Variants in EYS observed in about 807,000 individuals in gnomAD.
The protein encoded by EYS is EGF-like photoreceptor maintenance factor.
A neutral mutation model predicts 282.1 loss-of-function variants in EYS; 250 were observed. The observed-to-expected ratio is 0.89, with a 90% CI of 0.80 to 0.98. The LOEUF is 0.98. Among genes scored for constraint, EYS ranks in the 50% least tolerant of loss-of-function variants. The pLI, the probability that EYS is intolerant of heterozygous loss-of-function variation, is 0.00. For missense variants in EYS, 4,016 were observed against 3,709.0 expected (o/e 1.08, Z -2.15); for synonymous variants, 1,355 against 1,282.9 (o/e 1.06, Z -1.20).
In EYS at chr6:64,637,553, C is replaced by T. The variant is rs1460141813; in HGVS notation, c.3444-11308G>A. Among the ~76,000 whole-genome samples the T allele has an allele frequency of 2.3e-5, 2 of 88,510 alleles. 1 individual carries two copies. Among genetic ancestry groups the T allele is most frequent in the Non-Finnish European group, 4.8e-5 (2 of 41,470 alleles). The allele number at this position is 88,510 out of a possible 152,430, so 58.1% of individuals were successfully genotyped here. On this transcript the variant is annotated intron_variant, in intron 22 of 42. Coordinates refer to ENST00000503581, the MANE Select transcript of EYS (RefSeq NM_001142800.2). Reference sequence around the variant, plus strand: ...GCACATGTATACATATGTAACTAACCTGCACATTGTGCACATGAACCCTAA... The same window carrying T: ...GCACATGTATACATATGTAACTAACTTGCACATTGTGCACATGAACCCTAA...
chr6:64,339,695 C>G (rs1771019416), intron 29 of EYS, among the ~76,000 whole-genome samples: 2 of 151,672 alleles, frequency 1.3e-5, no homozygotes, highest in Admixed American at 1.3e-4. Context: ...TTTACTGCAG[C>G]ACAATTGGAT....
chr6:63,879,173 T>G (rs1773062077), intron 35 of EYS, among the ~76,000 whole-genome samples: 1 of 152,152 alleles, frequency 6.6e-6, no homozygotes. Flanking sequence ...TTGGTGCCAT[T>G]CTTGAAACTG....
At chr6:64,697,455 C>G (rs933087034) in intron 22 of EYS, among the ~76,000 whole-genome samples, 19 of 152,108 alleles carry the variant, frequency 1.2e-4, no homozygotes, top group Admixed American at 1.2e-3. Flanking sequence ...TTCAATACCC[C>G]ACTCATAGCA....
intron 31 of EYS, among the ~76,000 whole-genome samples, chr6:64,094,068 C>T (rs190218642): frequency 2.7e-4 from 41 of 152,154 alleles, no homozygotes; most frequent in African/African-American, 9.2e-4. Flanking sequence ...TATTGATTTG[C>T]GTATGTGGAA....
chr6:63,939,739 G>A (rs1007910281), intron 35 of EYS, among the ~76,000 whole-genome samples: 3 of 151,846 alleles, frequency 2.0e-5, no homozygotes, highest in African/African-American at 7.2e-5. Context: ...TGTCATAAAT[G>A]CATAATACAT....
intron 35 of EYS, among the ~76,000 whole-genome samples, chr6:63,880,461 C>T (rs868244319): frequency 2.0e-4 from 27 of 137,594 alleles, no homozygotes; most frequent in African/African-American, 7.6e-4. Flanking sequence ...ATATCTCTGT[C>T]TATCTGTCTG....
At chr6:64,479,124 C>T (rs755910983) in intron 26 of EYS, among the ~76,000 whole-genome samples, 5 of 151,798 alleles carry the variant, frequency 3.3e-5, no homozygotes, top group Non-Finnish European at 4.4e-5. Context: ...CTTTAGGTAA[C>T]GTGGTATAGT....
intron 26 of EYS, among the ~76,000 whole-genome samples, chr6:64,569,672 C>T (rs964343356): frequency 7.9e-5 from 12 of 151,786 alleles, no homozygotes; most frequent in African/African-American, 2.2e-4. Context: ...ACCCGGGAGG[C>T]GGAGCTTGCA....
chr6:64,138,921 G>A (rs1413217319), intron 31 of EYS, among the ~76,000 whole-genome samples: 1 of 152,112 alleles, frequency 6.6e-6, no homozygotes, highest in Non-Finnish European at 1.5e-5. Flanking sequence ...GCATGGGAGA[G>A]TTATTTATAT....
intron 11 of EYS, among the ~76,000 whole-genome samples, chr6:65,324,903 C>A (rs186320874): frequency 5.9e-5 from 9 of 152,290 alleles, no homozygotes; most frequent in South Asian, 2.1e-4. Flanking sequence ...GATACTGTAT[C>A]TCTGGGATTA....
At chr6:64,331,126 A>C (rs1250275271) in intron 29 of EYS, among the ~76,000 whole-genome samples, 1 of 152,176 alleles carries the variant, frequency 6.6e-6, no homozygotes, top group African/African-American at 2.4e-5. Flanking sequence ...CAAAGAGCTG[A>C]GCTAATAGCT....
chr6:64,695,258 C>T (rs774471980), intron 22 of EYS, among the ~76,000 whole-genome samples: 2 of 152,084 alleles, frequency 1.3e-5, no homozygotes, highest in Non-Finnish European at 2.9e-5. Flanking sequence ...GCCCTATTGC[C>T]ACCAATGCAG....
At chr6:65,446,173 T>C (rs1341406245) in intron 5 of EYS, among the ~76,000 whole-genome samples, 2 of 151,724 alleles carry the variant, frequency 1.3e-5, no homozygotes, top group African/African-American at 4.8e-5. Context: ...GTCCAAAGGG[T>C]GTTAAGACAC....
intron 8 of EYS, among the ~76,000 whole-genome samples, chr6:65,361,954 T>C (rs1764726198): frequency 6.6e-6 from 1 of 152,166 alleles, no homozygotes; most frequent in Admixed American, 6.6e-5. Flanking sequence ...ATGTACACTA[T>C]TCTAAAACAC....
At chr6:64,180,100 T>C (rs1042605672) in intron 31 of EYS, among the ~76,000 whole-genome samples, 2 of 152,174 alleles carry the variant, frequency 1.3e-5, no homozygotes, top group African/African-American at 4.8e-5. Flanking sequence ...AAGGTTTTTC[T>C]ATTAATAACA....
intron 33 of EYS, among the ~76,000 whole-genome samples, chr6:64,047,552 G>A (rs1582197338): frequency 6.6e-6 from 1 of 152,330 alleles, no homozygotes; most frequent in African/African-American, 2.4e-5. Context: ...TAAAATGTGA[G>A]TTGCAAAGTT....
chr6:64,275,964 CAA>C (rs1163549964), intron 30 of EYS, among the ~76,000 whole-genome samples: 8 of 118,846 alleles, frequency 6.7e-5, no homozygotes, highest in Non-Finnish European at 1.1e-4. Context: ...GACTCCATCT[CAA>C]AAAAAAAAAA....
At chr6:63,955,265 A>G (rs947618422) in intron 35 of EYS, among the ~76,000 whole-genome samples, 7 of 152,026 alleles carry the variant, frequency 4.6e-5, no homozygotes, top group African/African-American at 1.7e-4. Context: ...CACCATTCTC[A>G]ACTACTTGTA....
chr6:65,206,589 C>T (rs894204697), intron 12 of EYS, among the ~76,000 whole-genome samples: 6 of 151,664 alleles, frequency 4.0e-5, no homozygotes, highest in African/African-American at 1.4e-4. Flanking sequence ...AAAATAACTA[C>T]AGACCATTAT....
Sources: gnomAD v4.1 joint callset for allele counts (sites outside exome capture counted in the v4.1 genomes callset) on GRCh38, gnomAD v4.1.1 for gene constraint, MANE v1.5 for transcripts, NCBI Gene and HGNC (gene_info 2026-07-23, HGNC 2026-07-21) for gene names.